PTK2B: variants seen among roughly 807,000 people sequenced by gnomAD.
The protein encoded by PTK2B is protein-tyrosine kinase 2-beta.
In PTK2B, 71 loss-of-function variants were observed where a neutral mutation model predicts 142.9. The ratio of observed to expected loss-of-function variants is 0.50; its 90% confidence interval spans 0.41 to 0.61. The LOEUF (loss-of-function observed/expected upper bound fraction) is 0.61, where lower values mean the gene tolerates loss of function less well. Ranked by LOEUF, PTK2B falls within the 20% of genes least tolerant of loss-of-function variation. The pLI is 0.00. For synonymous variants in PTK2B, 519 were observed against 503.4 expected (o/e 1.03, Z -0.42); for missense variants, 1,105 against 1,320.4 (o/e 0.84, Z 2.53).
At chr8:27,433,245 A>G (rs1810551727) in intron 10 of PTK2B, 190 bp from the exon 11 acceptor site, 1 of 575,306 alleles carries the variant, frequency 1.7e-6, no homozygotes, top group Non-Finnish European at 3.1e-6. Context: ...TTTGGAGAGC[A>G]TGGGCGTACA....
chr8:27,412,887 G>A (rs1809153248), intron 2 of PTK2B, among the ~76,000 whole-genome samples: 1 of 152,188 alleles, frequency 6.6e-6, no homozygotes, highest in Non-Finnish European at 1.5e-5. Flanking sequence ...GAGACTATGG[G>A]TAGGGGAGAA....
intron 1 of PTK2B, among the ~76,000 whole-genome samples, chr8:27,350,577 C>CTCCCT (rs892595255): frequency 2.6e-5 from 4 of 152,038 alleles, no homozygotes; most frequent in African/African-American, 9.7e-5. Context: ...TCAGTAGAGC[C>CTCCCT]TCCTGTTAAT....
rs143326791 is a variant in PTK2B, at chr8:27,413,463, G to A, written c.205-6432G>A. 2.9e-3 allele frequency among the ~76,000 whole-genome samples: 436 copies of A among 152,280 alleles called. 1 individual carries two copies. The highest frequency in any genetic ancestry group is 4.2e-3 in the Non-Finnish European group (288 of 68,030). Reference sequence around the variant, plus strand: ...ATCCCTTTAGTCTCCTCCAATCTGGGAGAGTTCCTAAATCCAAAAGAGTAC... The same window carrying A: ...ATCCCTTTAGTCTCCTCCAATCTGGAAGAGTTCCTAAATCCAAAAGAGTAC... On this transcript the variant is annotated intron_variant, in intron 2 of 30. Coordinates refer to ENST00000346049, the MANE Select transcript of PTK2B (RefSeq NM_173176.3).
intron 1 of PTK2B, among the ~76,000 whole-genome samples, chr8:27,383,852 A>ATT (rs749255419): frequency 3.4e-5 from 4 of 116,602 alleles, no homozygotes; most frequent in African/African-American, 1.2e-4. Context: ...CACCTGGCTA[A>ATT]TTTTTTTTTT....
At chr8:27,428,292 C>T (rs1191149225) in intron 5 of PTK2B, among the ~76,000 whole-genome samples, 1 of 152,228 alleles carries the variant, frequency 6.6e-6, no homozygotes, top group Non-Finnish European at 1.5e-5. Context: ...TGCTCACATC[C>T]TGCTCTGTGG....
At chr8:27,426,979 G>A (rs947784739) in intron 5 of PTK2B, among the ~76,000 whole-genome samples, 18 of 152,106 alleles carry the variant, frequency 1.2e-4, no homozygotes, top group South Asian at 4.2e-4. Context: ...CACAAGTCTC[G>A]AAGTTCATTT....
chr8:27,356,711 A>G (rs1485102410), intron 1 of PTK2B, among the ~76,000 whole-genome samples: 1 of 152,268 alleles, frequency 6.6e-6, no homozygotes, highest in African/African-American at 2.4e-5. Flanking sequence ...TCACACCATG[A>G]AATACTACTC....
rs76734982 is a variant in PTK2B at position 27,423,519 on chromosome 8, G to A, written c.551+1136G>A. ...GACCAGCCCCCCAGGTGACTTGAAT[G>A]CCATTAGATATATGGGTTGATGGGA... On this transcript the variant is annotated intron_variant, in intron 5 of 30. Coordinates refer to ENST00000346049, the MANE Select transcript of PTK2B (RefSeq NM_173176.3). Among the ~76,000 whole-genome samples, 1,482 of 152,278 alleles carry A rather than the reference G, an allele frequency of 9.7e-3. 25 individuals are homozygous for A. The highest frequency in any genetic ancestry group is 0.033 in the African/African-American group (1,383 of 41,536).
At chr8:27,349,540 C>T (rs770652956) in intron 1 of PTK2B, among the ~76,000 whole-genome samples, 3 of 152,200 alleles carry the variant, frequency 2.0e-5, no homozygotes, top group Non-Finnish European at 1.5e-5. Context: ...GAATGCGGGG[C>T]AGGGGGTGAA....
At chr8:27,456,115 T>A (rs767139214) in intron 30 of PTK2B, among the ~76,000 whole-genome samples, 4 of 152,226 alleles carry the variant, frequency 2.6e-5, no homozygotes, top group African/African-American at 4.8e-5. Flanking sequence ...ACCCATTCAT[T>A]CATTCATTCA....
At chr8:27,397,892 C>A in intron 2 of PTK2B, 104 bp downstream of exon 2, 11 of 1,336,092 alleles carry the variant, frequency 8.2e-6, no homozygotes, top group East Asian at 2.3e-5. Context: ...ATATCCACCC[C>A]TGGGTGGAAG....
chr8:27,426,025 T>C lies in PTK2B; in HGVS notation c.551+3642T>C, dbSNP rs1810060301. On this transcript the variant is annotated intron_variant, in intron 5 of 30. Coordinates refer to ENST00000346049, the MANE Select transcript of PTK2B (RefSeq NM_173176.3). The stretch of plus-strand genomic sequence containing the variant: ...GAACCAAATAACTTCTCCCCCTTGA[T>C]CTGAGACACCTAGGACCATTGTCCA... Among the ~76,000 whole-genome samples the C allele has an allele frequency of 2.0e-5, 3 of 152,262 alleles. No individual in the cohort carries two copies. The South Asian group carries it at 6.2e-4, about 32-fold the overall frequency.
intron 1 of PTK2B, among the ~76,000 whole-genome samples, chr8:27,331,081 G>C (rs1803717994): frequency 6.6e-6 from 1 of 152,210 alleles, no homozygotes; most frequent in South Asian, 2.1e-4. Flanking sequence ...AATCTGGTAA[G>C]ATCACTCACT....
intron 3 of PTK2B, among the ~76,000 whole-genome samples, chr8:27,315,481 C>T (rs575798933): frequency 1.4e-4 from 21 of 152,252 alleles, no homozygotes; most frequent in Non-Finnish European, 2.6e-4. Context: ...ATAGCCCTCT[C>T]CCCTCCCCCC....
At chr8:27,451,745 G>GC in intron 27 of PTK2B, 1 of 1,384,322 alleles carries the variant, frequency 7.2e-7, no homozygotes. Context: ...ACATCCTTAG[G>GC]CCCCTCCTCA....
rs770506312 is a variant in PTK2B at position 27,445,851 on chromosome 8, T to C, written c.2272T>C (p.Ser758Pro). 1.2e-6 allele frequency: 2 copies of C among 1,614,072 alleles called. No homozygotes were observed. The highest frequency in any genetic ancestry group is 2.2e-5 in the South Asian group (2 of 91,084). The change falls in exon 24 of 31, where the codon TCT (serine) becomes CCT (proline). Residue 758 changes from serine to proline, a missense_variant. Physicochemically the swap from Ser to Pro is moderately conservative, Grantham distance 74. Transcript: ENST00000346049. ...GCTCACCAGCCCTATGGAGTATCCA[T>C]CTCCCGTTAACTCACTGCACACCCC... Reference protein sequence around the residue: ...PTLTSPMEYPSPVNSLHTPPL... With the variant: ...PTLTSPMEYPPPVNSLHTPPL...
At chr8:27,418,056 C>A (rs1255227268) in intron 2 of PTK2B, among the ~76,000 whole-genome samples, 1 of 152,204 alleles carries the variant, frequency 6.6e-6, no homozygotes, top group Non-Finnish European at 1.5e-5. Flanking sequence ...TGCCACTGAT[C>A]CCAGTCTTCA....
At chr8:27,325,738 TGACCGG>T (rs1803369054) in intron 1 of PTK2B, 57 bp downstream of exon 1, 1 of 152,248 alleles carries the variant, frequency 6.6e-6, no homozygotes, top group African/African-American at 2.4e-5. Flanking sequence ...GTTGGAGGCT[TGACCGG>T]GTGGCAGGGG....
At chr8:27,458,201 G>T in intron 30 of PTK2B, 93 bp from the exon 31 acceptor site, 1 of 1,274,590 alleles carries the variant, frequency 7.8e-7, no homozygotes, top group Non-Finnish European at 1.1e-6. Flanking sequence ...TGATTGCTTT[G>T]GCCAGCATGC....
Sources: allele counts gnomAD v4.1 joint callset (sites outside exome capture counted in the v4.1 genomes callset), GRCh38; gene constraint gnomAD v4.1.1; transcripts MANE v1.5; gene names NCBI Gene and HGNC (gene_info 2026-07-23, HGNC 2026-07-21).